The following IL17RD variants were observed in gnomAD, a reference collection of about 807,000 sequenced individuals.
IL17RD encodes interleukin-17 receptor D.
In IL17RD, 52 loss-of-function variants were observed where a neutral mutation model predicts 80.5. That is an observed-to-expected ratio of 0.65 (90% CI 0.52 to 0.81). The LOEUF (loss-of-function observed/expected upper bound fraction) is 0.81. Among genes scored for constraint, IL17RD ranks in the 40% least tolerant of loss-of-function variants. The pLI is 0.00. For synonymous variants in IL17RD, 416 were observed against 391.8 expected, an observed-to-expected ratio of 1.06 and a Z score of -0.73; for missense variants, 1,024 against 955.1, an observed-to-expected ratio of 1.07 and a Z score of -0.95.
At chr3:57,131,019 C>T (rs1707596256) in intron 1 of IL17RD, among the ~76,000 whole-genome samples, 1 of 152,232 alleles carries the variant, frequency 6.6e-6, no homozygotes. Flanking sequence ...TGTCTGACTT[C>T]CTGTGCACAA....
chr3:57,134,715 G>T, intron 1 of IL17RD: 1 of 670,258 alleles, frequency 1.5e-6, no homozygotes, highest in Non-Finnish European at 2.8e-6. Flanking sequence ...GGAAGAGACC[G>T]AGAAGTGAAA....
intron 1 of IL17RD, among the ~76,000 whole-genome samples, chr3:57,159,079 A>G (rs932915095): frequency 2.6e-4 from 39 of 152,172 alleles, no homozygotes; most frequent in African/African-American, 8.7e-4. Context: ...TGCCATATAT[A>G]GATAAAACAC....
intron 4 of IL17RD, 36 bp from the exon 5 acceptor site, chr3:57,109,693 A>G: frequency 1.9e-6 from 3 of 1,600,230 alleles, no homozygotes; most frequent in Non-Finnish European, 2.6e-6. Context: ...CATCATGGAG[A>G]AATTACCCAC....
At chr3:57,124,852 C>G (rs1331245565) in intron 1 of IL17RD, among the ~76,000 whole-genome samples, 3 of 152,222 alleles carry the variant, frequency 2.0e-5, no homozygotes, top group Non-Finnish European at 4.4e-5. Context: ...ACCCTGCCCC[C>G]CAACACCCGG....
intron 3 of IL17RD, among the ~76,000 whole-genome samples, chr3:57,112,460 C>T (rs934277532): frequency 1.3e-5 from 2 of 152,102 alleles, no homozygotes; most frequent in African/African-American, 4.8e-5. Context: ...TCTCCAGCCA[C>T]CCCCACCCAT....
intron 1 of IL17RD, among the ~76,000 whole-genome samples, chr3:57,154,283 T>TACACACACACAC (rs1553628627): frequency 1.9e-4 from 21 of 112,892 alleles, no homozygotes; most frequent in African/African-American, 6.0e-4. Context: ...TATATATATA[T>TACACACACACAC]ACACACACAC....
At chr3:57,149,803 C>T (rs1708017534) in intron 1 of IL17RD, among the ~76,000 whole-genome samples, 1 of 152,212 alleles carries the variant, frequency 6.6e-6, no homozygotes, top group African/African-American at 2.4e-5. Flanking sequence ...GACACTCTCT[C>T]ATAGCTGGGC....
intron 6 of IL17RD, 23 bp downstream of exon 6, chr3:57,106,086 AT>A: frequency 3.7e-6 from 6 of 1,611,058 alleles, no homozygotes; most frequent in Non-Finnish European, 5.1e-6. Context: ...TTGAGACTTG[AT>A]AGATAAGAAC....
intron 8 of IL17RD, 81 bp downstream of exon 8, chr3:57,104,261 T>G: frequency 1.1e-6 from 1 of 943,018 alleles, no homozygotes; most frequent in Non-Finnish European, 1.7e-6. Context: ...GCTTGAAATT[T>G]TAGTGTTGTA....
intron 7 of IL17RD, among the ~76,000 whole-genome samples, chr3:57,105,191 A>G (rs1328013627): frequency 6.6e-6 from 1 of 152,082 alleles, no homozygotes; most frequent in African/African-American, 2.4e-5. Flanking sequence ...GGATTCAAGG[A>G]GCATAAAGCT....
intron 1 of IL17RD, among the ~76,000 whole-genome samples, chr3:57,132,726 G>A (rs767396800): frequency 2.1e-4 from 32 of 152,252 alleles, no homozygotes; most frequent in Middle Eastern, 3.4e-3. Context: ...AGCACCTTTC[G>A]GATCACAGGT....
intron 4 of IL17RD, 96 bp downstream of exon 4, chr3:57,110,097 T>C (rs1707060373): frequency 7.0e-7 from 1 of 1,420,346 alleles, no homozygotes; most frequent in Non-Finnish European, 9.6e-7. Flanking sequence ...GTGGACCCCA[T>C]AGCCCCTCCT....
intron 1 of IL17RD, among the ~76,000 whole-genome samples, chr3:57,128,367 A>T (rs1331270137): frequency 6.6e-6 from 1 of 152,226 alleles, no homozygotes; most frequent in African/African-American, 2.4e-5. Flanking sequence ...CATGTTGCTA[A>T]TCAGCACACA....
chr3:57,165,202 CGCCAGCGGCCACA>C lies in IL17RD; in HGVS notation c.72_84del (p.Val25GlyfsTer39). ...TCGGCGCCCCGCGCGCGGCCGGACC[CGCCAGCGGCCACA>C]GCCAGCTGCGAGCCGTTGAGGCAGG... On this transcript the variant is annotated frameshift_variant, in exon 1 of 13. Coordinates refer to ENST00000296318, the MANE Select transcript of IL17RD (RefSeq NM_017563.5). LOFTEE classifies it high-confidence loss of function. 6 of 1,530,056 alleles carry C rather than the reference CGCCAGCGGCCACA, an allele frequency of 3.9e-6. No individual in the cohort carries two copies. Among genetic ancestry groups the C allele is most frequent in the Non-Finnish European group, 5.3e-6 (6 of 1,139,300 alleles). 94.8% of individuals were successfully genotyped at this position (1,530,056 alleles called of 1,614,324 possible). A position where few individuals can be genotyped will look rare whatever the true frequency, so the allele number is the denominator to read the frequency against.
chr3:57,167,877 G>C (rs1403516078), upstream of IL17RD, among the ~76,000 whole-genome samples: 1 of 152,046 alleles, frequency 6.6e-6, no homozygotes, highest in Non-Finnish European at 1.5e-5. Flanking sequence ...TGTCACCCAG[G>C]CTAGAGTGAG....
intron 5 of IL17RD, among the ~76,000 whole-genome samples, chr3:57,109,145 G>GT (rs1306813043): frequency 6.6e-6 from 1 of 151,992 alleles, no homozygotes; most frequent in Non-Finnish European, 1.5e-5. Context: ...TTTTTTGTTT[G>GT]TTTGTTTGTT....
At chr3:57,154,604 G>T (rs1351376536) in intron 1 of IL17RD, among the ~76,000 whole-genome samples, 2 of 152,104 alleles carry the variant, frequency 1.3e-5, no homozygotes, top group Non-Finnish European at 2.9e-5. Flanking sequence ...GTCTCTCAAT[G>T]ACTTCAAAAC....
At position 57,094,616 on chromosome 3, in the gene IL17RD, A is replaced by G. The variant is rs1706628888; in HGVS notation, c.*1777T>C. The G allele has an allele frequency of 6.6e-6, 1 of 152,214 alleles. No individual in the cohort carries two copies. Among genetic ancestry groups the G allele is most frequent in the Non-Finnish European group, 1.5e-5 (1 of 68,044 alleles). 9.4% of individuals were successfully genotyped at this position (152,214 alleles called of 1,614,324 possible). On this transcript the variant is annotated 3_prime_UTR_variant, in exon 13 of 13. Coordinates refer to ENST00000296318, the MANE Select transcript of IL17RD (RefSeq NM_017563.5). The stretch of plus-strand genomic sequence containing the variant: ...GGACAGGAAACATCTCTTGGCCTCA[A>G]TAAGAAATCTCTCATCATGTTCCAA...
chr3:57,114,940 C>A lies in IL17RD; in HGVS notation c.185-123G>T, dbSNP rs11916303. ...CAAATCCATTCTGTTAAAGATGTGT[C>A]CCTCAAAAGCCCAAAATAAGACATG... On this transcript the variant is annotated intron_variant, in intron 2 of 12. Coordinates refer to ENST00000296318, the MANE Select transcript of IL17RD (RefSeq NM_017563.5). 0.66 allele frequency: 456,908 copies of A among 697,566 alleles called. 155,635 individuals carry two copies. The highest frequency in any genetic ancestry group is 0.71 in the South Asian group (29,344 of 41,394). The allele number at this position is 697,566 out of a possible 1,614,324, so 43.2% of individuals were successfully genotyped here.
Sources: gnomAD v4.1 joint callset for allele counts (sites outside exome capture counted in the v4.1 genomes callset) on GRCh38, gnomAD v4.1.1 for gene constraint, MANE v1.5 for transcripts, NCBI Gene and HGNC (gene_info 2026-07-23, HGNC 2026-07-21) for gene names.